CSMD1: variants seen among roughly 807,000 people sequenced by gnomAD.
CSMD1 encodes CUB and Sushi multiple domains 1.
Under a neutral mutation model 417.5 loss-of-function variants are expected in CSMD1, and 213 were observed. The ratio of observed to expected loss-of-function variants is 0.51; its 90% CI spans 0.46 to 0.57. CSMD1 has a LOEUF of 0.57. Ranked by LOEUF, CSMD1 falls within the 20% of genes least tolerant of loss-of-function variation. CSMD1 has a pLI of 0.00. For missense variants in CSMD1, 6,923 were observed against 4,529.7 expected, an observed-to-expected ratio of 1.53 and a Z score of -15.17; for synonymous variants, 2,862 against 1,736.8, an observed-to-expected ratio of 1.65 and a Z score of -16.11.
rs767455949 is a variant in CSMD1 at position 2,963,402 on chromosome 8, C to G, written c.9281-7G>C. The G allele has an allele frequency of 3.3e-5, 53 of 1,612,590 alleles. No homozygotes were observed. The highest frequency in any genetic ancestry group is 4.3e-5 in the Non-Finnish European group (51 of 1,178,866). Reference sequence around the variant, plus strand: ...GGCTGAGGACACAGCACGGCTATTTCCAAAGAACAAACAAGATCAACATTC... The same window carrying G: ...GGCTGAGGACACAGCACGGCTATTTGCAAAGAACAAACAAGATCAACATTC... On this transcript the variant is annotated splice_polypyrimidine_tract_variant and splice_region_variant and intron_variant, in intron 59 of 69. Coordinates refer to ENST00000635120, the MANE Select transcript of CSMD1 (RefSeq NM_033225.6).
At chr8:4,000,894 TAAAAG>T (rs1268155894) in intron 4 of CSMD1, among the ~76,000 whole-genome samples, 1 of 152,114 alleles carries the variant, frequency 6.6e-6, no homozygotes, top group Admixed American at 6.5e-5. Flanking sequence ...TGTGTGGAAT[TAAAAG>T]AAAATTATCA....
intron 37 of CSMD1, among the ~76,000 whole-genome samples, chr8:3,167,323 C>T (rs914948407): frequency 2.8e-5 from 4 of 144,490 alleles, no homozygotes; most frequent in Non-Finnish European, 4.6e-5. Context: ...GGTTCACAAA[C>T]TATTAGGTTG....
intron 8 of CSMD1, among the ~76,000 whole-genome samples, chr8:3,610,128 T>C (rs1051849501): frequency 6.6e-6 from 1 of 152,108 alleles, no homozygotes; most frequent in Admixed American, 6.5e-5. Context: ...AGGCCCACCA[T>C]GTGTCATTTC....
intron 2 of CSMD1, among the ~76,000 whole-genome samples, chr8:4,606,294 G>A (rs914080497): frequency 6.6e-5 from 10 of 151,984 alleles, no homozygotes; most frequent in African/African-American, 2.4e-4. Context: ...CTGTGACTTA[G>A]AGTCTGTTTA....
chr8:4,727,929 A>G (rs1215813584), intron 1 of CSMD1, among the ~76,000 whole-genome samples: 1 of 136,324 alleles, frequency 7.3e-6, no homozygotes. Flanking sequence ...TACATCTAAT[A>G]TATATATATA....
intron 3 of CSMD1, among the ~76,000 whole-genome samples, chr8:4,278,138 C>T (rs906585862): frequency 1.3e-5 from 2 of 152,116 alleles, no homozygotes; most frequent in Non-Finnish European, 2.9e-5. Context: ...ATAACTTCCA[C>T]CAAAGAGAAG....
At chr8:3,594,254 G>A (rs994100253) in intron 8 of CSMD1, among the ~76,000 whole-genome samples, 2 of 152,124 alleles carry the variant, frequency 1.3e-5, no homozygotes, top group Non-Finnish European at 2.9e-5. Flanking sequence ...GCTAGTGTAA[G>A]AGATACTTCA....
chr8:3,551,083 A>G (rs905800400), intron 10 of CSMD1, among the ~76,000 whole-genome samples: 1 of 152,210 alleles, frequency 6.6e-6, no homozygotes, highest in African/African-American at 2.4e-5. Context: ...TCATGGCAGA[A>G]CAAGGTAGCA....
chr8:4,284,988 G>A lies in CSMD1; in HGVS notation c.415+134965C>T, dbSNP rs117107106. 9.0e-3 allele frequency among the ~76,000 whole-genome samples: 1,370 copies of A among 152,198 alleles called. 10 individuals carry two copies. Among genetic ancestry groups the A allele is most frequent in the Non-Finnish European group, 0.016 (1,078 of 68,026 alleles). On this transcript the variant is annotated intron_variant, in intron 3 of 69. Coordinates refer to ENST00000635120, the MANE Select transcript of CSMD1 (RefSeq NM_033225.6). ...ACCTCACCTCGCCTCACCATGCCTC[G>A]GTTCCTTTATTTGTAAAATGGGGAT...
intron 10 of CSMD1, among the ~76,000 whole-genome samples, chr8:3,499,688 T>C (rs551971030): frequency 6.6e-6 from 1 of 152,046 alleles, no homozygotes; most frequent in South Asian, 2.1e-4. Flanking sequence ...CGACTTGTGG[T>C]ATAGGGTACT....
chr8:4,941,896 G>T (rs1160854611), intron 1 of CSMD1, among the ~76,000 whole-genome samples: 12 of 152,124 alleles, frequency 7.9e-5, no homozygotes, highest in African/African-American at 2.9e-4. Flanking sequence ...CACCACATCT[G>T]GCCCCATCAG....
At chr8:3,514,908 A>G (rs1043902496) in intron 10 of CSMD1, among the ~76,000 whole-genome samples, 4 of 152,208 alleles carry the variant, frequency 2.6e-5, no homozygotes, top group Non-Finnish European at 4.4e-5. Flanking sequence ...GTTTATATCT[A>G]TATGCTAAAG....
intron 2 of CSMD1, among the ~76,000 whole-genome samples, chr8:4,439,360 T>C (rs942965314): frequency 3.3e-5 from 5 of 152,196 alleles, no homozygotes; most frequent in Admixed American, 6.5e-5. Flanking sequence ...AATTGTGAGA[T>C]ATTACTATAC....
intron 1 of CSMD1, among the ~76,000 whole-genome samples, chr8:4,939,922 T>A (rs1807874258): frequency 6.6e-6 from 1 of 152,234 alleles, no homozygotes; most frequent in African/African-American, 2.4e-5. Context: ...TATATACAAT[T>A]TTGATTTGTC....
intron 3 of CSMD1, among the ~76,000 whole-genome samples, chr8:4,338,973 G>A (rs983550937): frequency 2.0e-5 from 3 of 152,092 alleles, no homozygotes; most frequent in Admixed American, 1.3e-4. Flanking sequence ...TACAGTCAAT[G>A]ATCAGAAAAT....
intron 18 of CSMD1, among the ~76,000 whole-genome samples, chr8:3,382,396 A>G (rs1810683479): frequency 6.9e-6 from 1 of 144,802 alleles, no homozygotes; most frequent in Non-Finnish European, 1.5e-5. Context: ...AGTTATATAT[A>G]TGTTATTATA....
At chr8:3,703,921 A>C (rs1389796592) in intron 7 of CSMD1, among the ~76,000 whole-genome samples, 1 of 152,052 alleles carries the variant, frequency 6.6e-6, no homozygotes. Context: ...ATACAAAAAA[A>C]TTAGTCGGAC....
rs1382899035 is a variant in CSMD1, at chr8:4,232,001, C to G, written c.415+187952G>C. On this transcript the variant is annotated intron_variant, in intron 3 of 69. Transcript: ENST00000635120. ...GGCTAATCATTTTGTAAAGCAAAGC[C>G]ATCGACATAGGACGTAAGTATGAAA... Among the ~76,000 whole-genome samples, 3 of 152,156 alleles carry G rather than the reference C, an allele frequency of 2.0e-5. No individual in the cohort carries two copies. In the East Asian group the frequency reaches 5.8e-4, roughly 29 times the overall value.
chr8:3,203,039 G>T (rs1439596023), intron 31 of CSMD1, among the ~76,000 whole-genome samples: 3 of 152,030 alleles, frequency 2.0e-5, no homozygotes, highest in Non-Finnish European at 2.9e-5. Context: ...CATACTGGAG[G>T]CCCAAAACTT....
Sources: gnomAD v4.1 joint callset for allele counts (sites outside exome capture counted in the v4.1 genomes callset) on GRCh38, gnomAD v4.1.1 for gene constraint, MANE v1.5 for transcripts, NCBI Gene and HGNC (gene_info 2026-07-23, HGNC 2026-07-21) for gene names.